Variants in AASDH observed in about 807,000 individuals in gnomAD.
AASDH encodes beta-alanine-activating enzyme.
In AASDH, 81 loss-of-function variants were observed where a neutral mutation model predicts 102.3. The ratio of observed to expected loss-of-function variants is 0.79; its 90% CI spans 0.66 to 0.95. AASDH has a LOEUF of 0.95. Among genes scored for constraint, AASDH ranks in the 40% least tolerant of loss-of-function variants. The probability of loss-of-function intolerance (pLI) is 0.00; values close to 1 mark genes in which losing one functional copy is unlikely to be tolerated. For missense variants in AASDH, 1,203 were observed against 1,266.2 expected (o/e 0.95, Z 0.76); for synonymous variants, 398 against 454.0 (o/e 0.88, Z 1.57).
At chr4:56,345,020 C>T in intron 12 of AASDH, 107 bp downstream of exon 12, 2 of 1,214,090 alleles carry the variant, frequency 1.6e-6, no homozygotes, top group Non-Finnish European at 1.1e-6. Context: ...TGGCTCACTG[C>T]AACCTCCACC....
chr4:56,351,414 G>A lies in AASDH; in HGVS notation c.1620C>T (p.Tyr540=), dbSNP rs1392374882. 2 of 1,602,832 alleles carry A rather than the reference G, an allele frequency of 1.2e-6. No individual in the cohort carries two copies. The highest frequency in any genetic ancestry group is 1.1e-5 in the South Asian group (1 of 89,454). Residue 540 remains tyrosine (Y), a synonymous_variant, in exon 10 of 15, where the codon TAC becomes TAT. Coordinates refer to ENST00000205214, the MANE Select transcript of AASDH (RefSeq NM_181806.4). ...GCTTATTCTCAGACTTCAAGTTTAT[G>A]TAGTTTAAATATATCTTGTTTAACT... is the stretch of plus-strand genomic sequence containing the variant. ...VSELNKIYLN[Y]INLKSENKLS...
intron 11 of AASDH, among the ~76,000 whole-genome samples, chr4:56,346,973 C>T (rs895798582): frequency 2.7e-5 from 4 of 150,604 alleles, no homozygotes; most frequent in African/African-American, 9.8e-5. Context: ...CCCAGGAGTT[C>T]GAGGGTGTAG....
chr4:56,363,057 C>T (rs868634358), intron 5 of AASDH, among the ~76,000 whole-genome samples: 10 of 152,242 alleles, frequency 6.6e-5, no homozygotes, highest in African/African-American at 1.7e-4. Flanking sequence ...GCTTAACAAA[C>T]GGCACACCAG....
At chr4:56,372,926 G>A (rs1751917027) in intron 4 of AASDH, among the ~76,000 whole-genome samples, 1 of 152,150 alleles carries the variant, frequency 6.6e-6, no homozygotes. Context: ...TCAACAAAAA[G>A]GGAATGAGTA....
chr4:56,356,792 CTAT>C lies in AASDH; in HGVS notation c.862-1372_862-1370del, dbSNP rs1749690816. 4.0e-6 allele frequency: 3 copies of C among 741,448 alleles called. No individual in the cohort carries two copies. The South Asian group carries it at 4.1e-5, about 10-fold the overall frequency. The allele number at this position is 741,448 out of a possible 1,614,324, so 45.9% of individuals were successfully genotyped here. On this transcript the variant is annotated intron_variant, in intron 5 of 14. Coordinates refer to ENST00000205214, the MANE Select transcript of AASDH (RefSeq NM_181806.4). ...GGCGTTTTGGCTAAGCTAGTGGAAGCTATTAGGACCAATTACAATGACAGATAC... is the reference window on the plus strand; with the variant it reads ...GGCGTTTTGGCTAAGCTAGTGGAAGCTAGGACCAATTACAATGACAGATAC...
At chr4:56,347,190 A>C (rs1424815923) in intron 11 of AASDH, among the ~76,000 whole-genome samples, 1 of 152,232 alleles carries the variant, frequency 6.6e-6, no homozygotes, top group Non-Finnish European at 1.5e-5. Flanking sequence ...AATGTGGTGC[A>C]ACTGGACTTT....
At chr4:56,363,470 C>T (rs1030729393) in intron 5 of AASDH, among the ~76,000 whole-genome samples, 1 of 152,204 alleles carries the variant, frequency 6.6e-6, no homozygotes, top group African/African-American at 2.4e-5. Context: ...GGGAGGCACC[C>T]CCAGTAGGGG....
intron 4 of AASDH, among the ~76,000 whole-genome samples, 171 bp downstream of exon 4, chr4:56,377,977 G>GT (rs529190736): frequency 2.0e-4 from 30 of 152,136 alleles, no homozygotes; most frequent in Admixed American, 1.8e-3. Flanking sequence ...GCTGATTTTT[G>GT]TATTTTTTCA....
intron 3 of AASDH, among the ~76,000 whole-genome samples, chr4:56,380,873 G>A (rs1752874278): frequency 6.6e-6 from 1 of 152,134 alleles, no homozygotes; most frequent in Non-Finnish European, 1.5e-5. Flanking sequence ...TAAAAAATAT[G>A]TCTAGACATT....
chr4:56,384,917 T>C (rs1257630012), intron 1 of AASDH, among the ~76,000 whole-genome samples: 1 of 151,816 alleles, frequency 6.6e-6, no homozygotes, highest in Admixed American at 6.6e-5. Context: ...CTACTAAAAA[T>C]ACAAAAATTA....
Position 56,349,634 on chromosome 4 carries a change from C to G in AASDH, c.2117G>C (p.Cys706Ser), listed in dbSNP as rs1404021176. The change falls in exon 11 of 15, where the codon TGT (cysteine) becomes TCT (serine). Residue 706 changes from cysteine (C) to serine (S), a missense_variant. Cys to Ser is a moderately radical substitution (Grantham distance 112). Coordinates refer to ENST00000205214, the MANE Select transcript of AASDH (RefSeq NM_181806.4). ...GGTCTGTGAAACTGAGTCAGAAGGA[C>G]AGGCTGAAGAGCAATGTCCTAACTT... is the stretch of plus-strand genomic sequence containing the variant. The part of the protein sequence containing the change: ...LTKLGHCSSA[C>S]PSDSVSQTNI... 1.9e-6 allele frequency: 3 copies of G among 1,614,090 alleles called. No homozygotes were observed. In the African/African-American group the frequency reaches 4.0e-5, roughly 22 times the overall value.
intron 5 of AASDH, among the ~76,000 whole-genome samples, chr4:56,367,660 G>C: frequency 7.6e-6 from 1 of 131,440 alleles, no homozygotes; most frequent in Non-Finnish European, 1.6e-5. Context: ...AGACTGGCTA[G>C]CCATATGTAG....
At chr4:56,349,001 T>A in intron 11 of AASDH, 1 of 497,654 alleles carries the variant, frequency 2.0e-6, no homozygotes, top group East Asian at 3.2e-5. Flanking sequence ...ATTCCCATTT[T>A]ACCCACAAGG....
chr4:56,386,020 A>G (rs563705932), intron 1 of AASDH, among the ~76,000 whole-genome samples: 2 of 152,316 alleles, frequency 1.3e-5, no homozygotes, highest in Non-Finnish European at 2.9e-5. Flanking sequence ...TCAATTAGGA[A>G]AAAGAAATCC....
chr4:56,366,185 C>T (rs1377250067), intron 5 of AASDH, among the ~76,000 whole-genome samples: 1 of 152,180 alleles, frequency 6.6e-6, no homozygotes, highest in African/African-American at 2.4e-5. Flanking sequence ...AGTTGAATCT[C>T]TGTATAGACC....
At chr4:56,385,483 A>G (rs1252030265) in intron 1 of AASDH, among the ~76,000 whole-genome samples, 2 of 152,222 alleles carry the variant, frequency 1.3e-5, no homozygotes, top group Non-Finnish European at 2.9e-5. Context: ...ACTCGGGATC[A>G]ACGGTAAAAA....
rs1749324823 is a variant in AASDH, at chr4:56,354,200, T to C, written c.1222A>G (p.Arg408Gly). ...ACTTCATCATCAAGAAAACACACTCTGTTTCTGCCACCTTCCCAAGATATA... is the reference window on the plus strand; with the variant it reads ...ACTTCATCATCAAGAAAACACACTCCGTTTCTGCCACCTTCCCAAGATATA... ...SGQVFLGGRN[R>G]VCFLDDEVTV... Residue 408 changes from arginine to glycine, a missense_variant, in exon 8 of 15, where the codon AGA becomes GGA. Physicochemically the swap from Arg to Gly is moderately radical, Grantham distance 125. Coordinates refer to ENST00000205214, the MANE Select transcript of AASDH (RefSeq NM_181806.4). 1 of 1,570,370 alleles carries C rather than the reference T, an allele frequency of 6.4e-7. No individual in the cohort carries two copies. Among genetic ancestry groups the C allele is most frequent in the African/African-American group, 1.4e-5 (1 of 73,874 alleles).
At chr4:56,341,495 C>T (rs1302497593) in intron 14 of AASDH, among the ~76,000 whole-genome samples, 3 of 149,380 alleles carry the variant, frequency 2.0e-5, no homozygotes, top group Admixed American at 6.8e-5. Flanking sequence ...CGGGTTCCAG[C>T]GATTCCCCTG....
rs1553923959 is a variant in AASDH, at chr4:56,338,310, C to CTTCTTCT, written c.*91_*92insAGAAGAA. 2.9e-6 allele frequency: 4 copies of CTTCTTCT among 1,360,690 alleles called. No individual in the cohort carries two copies. Among genetic ancestry groups the CTTCTTCT allele is most frequent in the African/African-American group, 3.0e-5 (2 of 67,520 alleles). 84.3% of individuals were successfully genotyped at this position (1,360,690 alleles called of 1,614,324 possible). On this transcript the variant is annotated 3_prime_UTR_variant, in exon 15 of 15. Coordinates refer to ENST00000205214, the MANE Select transcript of AASDH (RefSeq NM_181806.4). ...TTCCGTTTCTTAGCCAAAATATAATCTTCTTTAATATAAAATAAGTCCACA... is the reference window on the plus strand; with the variant it reads ...TTCCGTTTCTTAGCCAAAATATAATCTTCTTCTTTCTTTAATATAAAATAAGTCCACA...
Sources: gnomAD v4.1 joint callset for allele counts (sites outside exome capture counted in the v4.1 genomes callset) on GRCh38, gnomAD v4.1.1 for gene constraint, MANE v1.5 for transcripts, NCBI Gene and HGNC (gene_info 2026-07-23, HGNC 2026-07-21) for gene names.